REV3L: variants seen among roughly 807,000 people sequenced by gnomAD.
The protein encoded by REV3L is DNA polymerase zeta catalytic subunit.
REV3L carries 69 observed loss-of-function variants against 299.4 expected under a neutral mutation model. That is an observed-to-expected ratio of 0.23 (90% CI 0.19 to 0.28). The LOEUF (loss-of-function observed/expected upper bound fraction) is 0.28. REV3L is among the 10% of genes least tolerant of loss of function. REV3L has a pLI of 1.00. For synonymous variants in REV3L, 1,238 were observed against 1,271.4 expected (o/e 0.97, Z 0.56); for missense variants, 3,128 against 3,693.8 (o/e 0.85, Z 3.97).
chr6:111,304,613 C>CTT (rs57907202), intron 31 of REV3L, among the ~76,000 whole-genome samples: 1 of 116,628 alleles, frequency 8.6e-6, no homozygotes, highest in Admixed American at 8.5e-5. Flanking sequence ...ATCGCTTTTT[C>CTT]TTTTTTTTTT....
At chr6:111,389,072 T>TAAATC in intron 7 of REV3L, 34 bp downstream of exon 7, 1 of 1,465,912 alleles carries the variant, frequency 6.8e-7, no homozygotes. Context: ...ATACTTGATT[T>TAAATC]AAAAGAATAA....
At chr6:111,470,447 C>A (rs1029667844) in intron 1 of REV3L, among the ~76,000 whole-genome samples, 1 of 152,166 alleles carries the variant, frequency 6.6e-6, no homozygotes, top group Non-Finnish European at 1.5e-5. Flanking sequence ...ATTTCCTCAA[C>A]TGTAAAATGG....
intron 3 of REV3L, among the ~76,000 whole-genome samples, chr6:111,409,166 ATAT>A (rs769673403): frequency 2.0e-5 from 3 of 152,248 alleles, no homozygotes; most frequent in Admixed American, 6.5e-5. Context: ...CTGTTGCAGT[ATAT>A]TGCTTTTGTT....
chr6:111,376,060 A>G lies in REV3L; in HGVS notation c.2295T>C (p.Asp765=), dbSNP rs1780271704. Residue 765 remains aspartate (D), a synonymous_variant, in exon 13 of 32, where the codon GAT becomes GAC. Coordinates refer to ENST00000368802, the MANE Select transcript of REV3L (RefSeq NM_001372078.1). ...TTTTAAGTTTATTTAGTCCACTTTC[A>G]TCAGCAGTGCTATTAAGAGAATGCA... ...TMVHSLNSTA[D]ESGLNKLKIR... 6.2e-7 allele frequency: 1 copy of G among 1,613,862 alleles called. No homozygotes were observed. The highest frequency in any genetic ancestry group is 1.3e-5 in the African/African-American group (1 of 74,920).
In REV3L at chr6:111,381,337, A is replaced by T. The variant is rs771352079; in HGVS notation, c.1204T>A (p.Ser402Thr). The change falls in exon 10 of 32, where the codon TCA becomes ACA. Residue 402 changes from serine to threonine, a missense_variant. Transcript: ENST00000368802. ...FQPLTQRLSE[S>T]PVFMDSSPDE... is the part of the protein sequence containing the mutation. Reference sequence around the variant, plus strand: ...CACTGTTACTTACTGAAAACAGGTGACTCACTCAGTCTTTGGGTCAAAGGC... The same window carrying T: ...CACTGTTACTTACTGAAAACAGGTGTCTCACTCAGTCTTTGGGTCAAAGGC... The T allele has an allele frequency of 6.2e-7, 1 of 1,613,472 alleles. No homozygotes were observed. Among genetic ancestry groups the T allele is most frequent in the South Asian group, 1.1e-5 (1 of 91,026 alleles).
At chr6:111,363,795 G>A in intron 16 of REV3L, 58 bp downstream of exon 16, 1 of 1,543,982 alleles carries the variant, frequency 6.5e-7, no homozygotes, top group South Asian at 1.2e-5. Context: ...TTGTTTTATA[G>A]AATAAAACAG....
chr6:111,400,409 C>T (rs971320637), intron 4 of REV3L, among the ~76,000 whole-genome samples: 4 of 152,124 alleles, frequency 2.6e-5, no homozygotes, highest in African/African-American at 7.2e-5. Context: ...GTTAGTCTTG[C>T]GAATTGTAGT....
chr6:111,441,542 C>G (rs947743354), intron 1 of REV3L, among the ~76,000 whole-genome samples: 1 of 152,184 alleles, frequency 6.6e-6, no homozygotes, highest in African/African-American at 2.4e-5. Flanking sequence ...CGAGCCACCA[C>G]GTCCAGCCAC....
At chr6:111,384,933 T>A (rs1781199695) in intron 9 of REV3L, among the ~76,000 whole-genome samples, 1 of 152,180 alleles carries the variant, frequency 6.6e-6, no homozygotes, top group South Asian at 2.1e-4. Context: ...GAGAATGAGA[T>A]CATGCCATTT....
At chr6:111,465,585 T>C (rs1478606557) in intron 1 of REV3L, among the ~76,000 whole-genome samples, 1 of 151,108 alleles carries the variant, frequency 6.6e-6, no homozygotes, top group Non-Finnish European at 1.5e-5. Context: ...AATTCAAAGT[T>C]AGCTGGGCAT....
At chr6:111,458,456 T>G (rs1452012081) in intron 1 of REV3L, among the ~76,000 whole-genome samples, 1 of 151,998 alleles carries the variant, frequency 6.6e-6, no homozygotes, top group Non-Finnish European at 1.5e-5. Context: ...GAAAAAGAAA[T>G]AAAAGGTATC....
At chr6:111,390,479 G>A (rs183107100) in intron 5 of REV3L, among the ~76,000 whole-genome samples, 15 of 151,992 alleles carry the variant, frequency 9.9e-5, no homozygotes, top group Admixed American at 4.6e-4. Context: ...GGTTATACCC[G>A]GGGCAGAATG....
chr6:111,365,797 C>T (rs1779131073), intron 14 of REV3L, among the ~76,000 whole-genome samples: 2 of 152,062 alleles, frequency 1.3e-5, no homozygotes, highest in Non-Finnish European at 2.9e-5. Flanking sequence ...GGGAAGGTTT[C>T]CTGGAGGTAA....
At chr6:111,315,235 A>G (rs1773395639) in intron 27 of REV3L, 32 bp downstream of exon 27, 1 of 1,489,984 alleles carries the variant, frequency 6.7e-7, no homozygotes, top group Non-Finnish European at 9.3e-7. Flanking sequence ...TATGAATTTT[A>G]TATGTAATTA....
chr6:111,366,826 T>C (rs559458913), intron 14 of REV3L, among the ~76,000 whole-genome samples: 1 of 152,254 alleles, frequency 6.6e-6, no homozygotes, highest in African/African-American at 2.4e-5. Context: ...TGTTTTAAAA[T>C]GTGGGAGACC....
Position 111,376,209 on chromosome 6 carries a change from T to C in REV3L, c.2146A>G (p.Lys716Glu), listed in dbSNP as rs1282043247. Reference sequence around the variant, plus strand: ...TTTCCTTCAGAGGATACTTTATTTTTTGAATGATTTAAGTCAGAAAAGTTG... The same window carrying C: ...TTTCCTTCAGAGGATACTTTATTTTCTGAATGATTTAAGTCAGAAAAGTTG... The part of the protein sequence containing the change: ...SFNFSDLNHS[K>E]NKVSSEGNEK... The change falls in exon 13 of 32, where the codon AAA becomes GAA. Residue 716 changes from lysine to glutamate, a missense_variant. By Grantham distance (56) the Lys-to-Glu change is moderately conservative. Coordinates refer to ENST00000368802, the MANE Select transcript of REV3L (RefSeq NM_001372078.1). 1 of 1,613,346 alleles carries C rather than the reference T, an allele frequency of 6.2e-7. No homozygotes were observed. Among genetic ancestry groups the C allele is most frequent in the Non-Finnish European group, 8.5e-7 (1 of 1,179,872 alleles).
chr6:111,336,840 A>T (rs1775936637), intron 21 of REV3L, among the ~76,000 whole-genome samples: 1 of 152,214 alleles, frequency 6.6e-6, no homozygotes, highest in Non-Finnish European at 1.5e-5. Flanking sequence ...ATTATTCAGC[A>T]ATAAAAGAAA....
At chr6:111,384,051 G>A (rs148849572) in intron 9 of REV3L, among the ~76,000 whole-genome samples, 3 of 152,146 alleles carry the variant, frequency 2.0e-5, no homozygotes, top group Non-Finnish European at 4.4e-5. Flanking sequence ...ATATCTACAT[G>A]CAGAAGAATG....
At chr6:111,385,768 T>A in intron 9 of REV3L, among the ~76,000 whole-genome samples, 1 of 151,720 alleles carries the variant, frequency 6.6e-6, no homozygotes, top group East Asian at 1.9e-4. Flanking sequence ...CTCCTACAAA[T>A]AAGAAAAAGA....
Sources: gnomAD v4.1 joint callset for allele counts (sites outside exome capture counted in the v4.1 genomes callset) on GRCh38, gnomAD v4.1.1 for gene constraint, MANE v1.5 for transcripts, NCBI Gene and HGNC (gene_info 2026-07-23, HGNC 2026-07-21) for gene names.